The following PARD6B variants were observed in gnomAD, a reference collection of about 807,000 sequenced individuals.
PARD6B encodes par-6 family cell polarity regulator beta.
In PARD6B, 4 loss-of-function variants were observed where a neutral mutation model predicts 10.5. The observed-to-expected ratio is 0.38, with a 90% CI of 0.19 to 0.87. The LOEUF (loss-of-function observed/expected upper bound fraction) is 0.87. Among genes scored for constraint, PARD6B ranks in the 40% least tolerant of loss-of-function variants. PARD6B has a pLI of 0.41. For synonymous variants in PARD6B, 169 were observed against 170.4 expected, an observed-to-expected ratio of 0.99 and a Z score of 0.07; for missense variants, 396 against 470.6, an observed-to-expected ratio of 0.84 and a Z score of 1.47.
Position 50,752,650 on chromosome 20 carries a change from T to C in PARD6B, c.*2162T>C. 2.0e-6 allele frequency: 2 copies of C among 978,800 alleles called. No individual in the cohort carries two copies. The highest frequency in any genetic ancestry group is 2.4e-6 in the Non-Finnish European group (2 of 823,492). The allele number at this position is 978,800 out of a possible 1,614,324, so 60.6% of individuals were successfully genotyped here. On this transcript the variant is annotated 3_prime_UTR_variant, in exon 3 of 3. Coordinates refer to ENST00000371610, the MANE Select transcript of PARD6B (RefSeq NM_032521.3). Reference sequence around the variant, plus strand: ...TTATTAATTAACTTTATGGTAGGGCTAGTATGAATACCTTTTTAACAATTG... The same window carrying C: ...TTATTAATTAACTTTATGGTAGGGCCAGTATGAATACCTTTTTAACAATTG...
At position 50,753,001 on chromosome 20, in the gene PARD6B, A is replaced by G. The variant is rs1267484745; in HGVS notation, c.*2513A>G. 1.0e-6 allele frequency: 1 copy of G among 983,676 alleles called. No homozygotes were observed. Among genetic ancestry groups the G allele is most frequent in the Non-Finnish European group, 1.2e-6 (1 of 827,970 alleles). 60.9% of individuals were successfully genotyped at this position (983,676 alleles called of 1,614,324 possible). A position where few individuals can be genotyped will look rare whatever the true frequency, so the allele number is the denominator to read the frequency against. On this transcript the variant is annotated 3_prime_UTR_variant, in exon 3 of 3. Transcript: ENST00000371610. The stretch of plus-strand genomic sequence containing the variant: ...AAATAATGTTAGTATGTAGAAGGTT[A>G]ACTTTCATTTATAATATAAGTGGTG...
At position 50,751,350 on chromosome 20, in the gene PARD6B, C is replaced by CTTTTTTTTTTTTTTTTTTTT. The variant is rs11467364; in HGVS notation, c.*866_*885dup. On this transcript the variant is annotated 3_prime_UTR_variant, in exon 3 of 3. Coordinates refer to ENST00000371610, the MANE Select transcript of PARD6B (RefSeq NM_032521.3). ...ATTTCCAGTTTCTTTTCTTTTCTTTCTTTTTTTTTTTTTTTTTTTTTTTGA... is the reference window on the plus strand; with the variant it reads ...ATTTCCAGTTTCTTTTCTTTTCTTTCTTTTTTTTTTTTTTTTTTTTTTTTTTTTTTTTTTTTTTTTTTTGA... The CTTTTTTTTTTTTTTTTTTTT allele has an allele frequency of 5.2e-6, 3 of 578,578 alleles. No individual in the cohort carries two copies. Among genetic ancestry groups the CTTTTTTTTTTTTTTTTTTTT allele is most frequent in the Non-Finnish European group, 5.9e-6 (3 of 506,694 alleles). 35.8% of individuals were successfully genotyped at this position (578,578 alleles called of 1,614,324 possible).
Position 50,750,070 on chromosome 20 carries a change from T to G in PARD6B, c.701T>G (p.Met234Arg). Residue 234 changes from methionine (M) to arginine (R), a missense_variant, in exon 3 of 3, where the codon ATG (methionine) becomes AGG (arginine). Transcript: ENST00000371610. ...AAGAGCCTTGATCAAGTAACAGACA[T>G]GATGATTGCAAATAGCCGTAACCTC... Reference protein sequence around the residue: ...SGKSLDQVTDMMIANSRNLII... With the variant: ...SGKSLDQVTDRMIANSRNLII... The G allele has an allele frequency of 6.2e-7, 1 of 1,614,198 alleles. No individual in the cohort carries two copies. Among genetic ancestry groups the G allele is most frequent in the Non-Finnish European group, 8.5e-7 (1 of 1,180,046 alleles).
In PARD6B at chr20:50,753,257, A is replaced by G. The variant is rs2087624966; in HGVS notation, c.*2769A>G. On this transcript the variant is annotated 3_prime_UTR_variant, in exon 3 of 3. Coordinates refer to ENST00000371610, the MANE Select transcript of PARD6B (RefSeq NM_032521.3). The stretch of plus-strand genomic sequence containing the variant: ...CCTGTTAAGGGTATCTATCAATGGT[A>G]TTTTCAAGTAGATCTCTGTTTCTTA... 2.0e-6 allele frequency: 2 copies of G among 984,384 alleles called. No individual in the cohort carries two copies. The highest frequency in any genetic ancestry group is 1.7e-5 in the African/African-American group (1 of 57,192). The allele number at this position is 984,384 out of a possible 1,614,324, so 61.0% of individuals were successfully genotyped here.
chr20:50,748,915 TGTACTCCTA>T (rs1600819923), intron 2 of PARD6B, among the ~76,000 whole-genome samples: 1 of 152,158 alleles, frequency 6.6e-6, no homozygotes, highest in Non-Finnish European at 1.5e-5. Flanking sequence ...AGCTCTCACC[TGTACTCCTA>T]GCACATTGAG....
At chr20:50,736,419 T>C (rs1005859284) in intron 1 of PARD6B, among the ~76,000 whole-genome samples, 4 of 152,224 alleles carry the variant, frequency 2.6e-5, no homozygotes, top group Non-Finnish European at 5.9e-5. Context: ...GGAAGAAATA[T>C]GAGTTCAGTG....
Position 50,750,228 on chromosome 20 carries a change from G to C in PARD6B, c.859G>C (p.Glu287Gln). Residue 287 changes from glutamate (E) to glutamine (Q), a missense_variant, in exon 3 of 3, where the codon GAG becomes CAG. Around this residue, in one of 2 missense-constraint regions of PARD6B, gnomAD observed 188 missense variants for 169.7 expected, o/e 1.11. Transcript: ENST00000371610. ...GCAGATTGAACCAAGCTTTGAGCCA[G>C]AGGATGAAGACAGCGAAGAAGATGA... is the stretch of plus-strand genomic sequence containing the variant. ...PQQIEPSFEP[E>Q]DEDSEEDDII... The C allele has an allele frequency of 6.2e-7, 1 of 1,614,212 alleles. No individual in the cohort carries two copies. Among genetic ancestry groups the C allele is most frequent in the South Asian group, 1.1e-5 (1 of 91,076 alleles).
chr20:50,746,562 CCTTTACA>C (rs1193212075), intron 2 of PARD6B, among the ~76,000 whole-genome samples: 3 of 152,180 alleles, frequency 2.0e-5, no homozygotes, highest in Non-Finnish European at 4.4e-5. Flanking sequence ...TGGACATTCA[CCTTTACA>C]CTTTAACACC....
chr20:50,746,190 G>T (rs1241266275), intron 2 of PARD6B, among the ~76,000 whole-genome samples: 1 of 152,098 alleles, frequency 6.6e-6, no homozygotes. Context: ...CCCTCTATGA[G>T]CAAAGGAATG....
At chr20:50,740,793 A>G (rs2087526229) in intron 2 of PARD6B, among the ~76,000 whole-genome samples, 1 of 152,170 alleles carries the variant, frequency 6.6e-6, no homozygotes, top group South Asian at 2.1e-4. Flanking sequence ...GAAAGTAGGT[A>G]GTCAGTTCAT....
In PARD6B at chr20:50,731,802, C is replaced by T; in HGVS notation, c.16C>T (p.Arg6Trp). 3 of 1,462,324 alleles carry T rather than the reference C, an allele frequency of 2.1e-6. No homozygotes were observed. Among genetic ancestry groups the T allele is most frequent in the African/African-American group, 1.5e-5 (1 of 68,234 alleles). 90.6% of individuals were successfully genotyped at this position (1,462,324 alleles called of 1,614,324 possible). MNRSHRHGAGSGCLGT... is the reference protein window; with the variant it reads MNRSHWHGAGSGCLGT... ...GGCGTTCAGCATGAACCGCAGCCAC[C>T]GGCACGGGGCGGGCAGCGGCTGCCT... Residue 6 changes from arginine (R) to tryptophan (W), a missense_variant, in exon 1 of 3, where the codon CGG becomes TGG. By Grantham distance (101) the Arg-to-Trp change is moderately radical. Transcript: ENST00000371610.
chr20:50,748,284 C>T (rs2087580364), intron 2 of PARD6B, among the ~76,000 whole-genome samples: 2 of 152,192 alleles, frequency 1.3e-5, no homozygotes, highest in South Asian at 4.1e-4. Context: ...GCGGGGGTGG[C>T]AGTGAGCTGA....
intron 2 of PARD6B, among the ~76,000 whole-genome samples, chr20:50,740,286 G>A (rs2087524205): frequency 6.6e-6 from 1 of 152,154 alleles, no homozygotes; most frequent in Admixed American, 6.6e-5. Context: ...AAATAATTAT[G>A]GTTGAATAAT....
chr20:50,747,290 A>G (rs2087572450), intron 2 of PARD6B, among the ~76,000 whole-genome samples: 1 of 152,096 alleles, frequency 6.6e-6, no homozygotes, highest in Admixed American at 6.6e-5. Flanking sequence ...AGTGAAGATG[A>G]TAATAGTTTA....
At chr20:50,747,481 C>CTTTTTTTTTTTTTTTTT (rs2087574254) in intron 2 of PARD6B, among the ~76,000 whole-genome samples, 1 of 42,112 alleles carries the variant, frequency 2.4e-5, no homozygotes, top group Non-Finnish European at 4.8e-5. Flanking sequence ...TTCTTTTTTT[C>CTTTTTTTTTTTTTTTTT]TTTCTTTCTT....
chr20:50,744,366 G>A (rs967475349), intron 2 of PARD6B, among the ~76,000 whole-genome samples: 92 of 151,846 alleles, frequency 6.1e-4, no homozygotes, highest in African/African-American at 2.2e-3. Context: ...CGCCCACCTC[G>A]GCCTGCCAAA....
intron 1 of PARD6B, among the ~76,000 whole-genome samples, 169 bp downstream of exon 1, chr20:50,732,021 G>T (rs2087474138): frequency 6.6e-6 from 1 of 152,194 alleles, no homozygotes; most frequent in Admixed American, 6.5e-5. Flanking sequence ...GGGGGTGGCG[G>T]GGGTCAGGGG....
chr20:50,748,424 A>G lies in PARD6B; in HGVS notation c.290-1235A>G, dbSNP rs182383904. Among the ~76,000 whole-genome samples the G allele has an allele frequency of 1.8e-3, 268 of 152,386 alleles. 1 individual carries two copies. The highest frequency in any genetic ancestry group is 2.2e-3 in the Non-Finnish European group (153 of 68,042). On this transcript the variant is annotated intron_variant, in intron 2 of 2. Coordinates refer to ENST00000371610, the MANE Select transcript of PARD6B (RefSeq NM_032521.3). ...CCGAAGTGTTTGTTTGATATGCATC[A>G]GCATCAATTACATTATCTGCCCACT...
At position 50,737,953 on chromosome 20, in the gene PARD6B, A is replaced by G. The variant is rs758886469; in HGVS notation, c.163A>G (p.Asn55Asp). ...GLLQHVHKIPNVDVLVGYADI... is the reference protein window; with the variant it reads ...GLLQHVHKIPDVDVLVGYADI... Reference sequence around the variant, plus strand: ...ACTACAACATGTTCATAAGATCCCCAATGTTGACGTTTTGGTAGGCTATGC... The same window carrying G: ...ACTACAACATGTTCATAAGATCCCCGATGTTGACGTTTTGGTAGGCTATGC... The change falls in exon 2 of 3, where the codon AAT becomes GAT. Residue 55 changes from asparagine to aspartate, a missense_variant. Physicochemically the swap from Asn to Asp is conservative, Grantham distance 23 (BLOSUM62 1). Around this residue, in one of 2 missense-constraint regions of PARD6B, gnomAD observed 208 missense variants for 300.9 expected, o/e 0.69. Transcript: ENST00000371610. 3 of 1,613,642 alleles carry G rather than the reference A, an allele frequency of 1.9e-6. No individual in the cohort carries two copies. The highest frequency in any genetic ancestry group is 2.2e-5 in the East Asian group (1 of 44,856).
Sources: gnomAD v4.1 joint callset for allele counts (sites outside exome capture counted in the v4.1 genomes callset) on GRCh38, gnomAD v4.1.1 for gene constraint, gnomAD v4.1.1 regional missense constraint, MANE v1.5 for transcripts, NCBI Gene and HGNC (gene_info 2026-07-23, HGNC 2026-07-21) for gene names.